The following STXBP5L variants were observed in gnomAD, a reference collection of about 807,000 sequenced individuals.
STXBP5L encodes the protein syntaxin binding protein 5L, also known as syntaxin-binding protein 5-like.
A neutral mutation model predicts 144.5 loss-of-function variants in STXBP5L; 65 were observed. The observed-to-expected ratio is 0.45, with a 90% confidence interval of 0.37 to 0.55. STXBP5L has a LOEUF of 0.55. Ranked by LOEUF, STXBP5L falls within the 20% of genes least tolerant of loss-of-function variation. The pLI is 0.00. For synonymous variants in STXBP5L, 505 were observed against 469.6 expected (o/e 1.08, Z -0.97); for missense variants, 1,298 against 1,405.5 (o/e 0.92, Z 1.22).
intron 3 of STXBP5L, among the ~76,000 whole-genome samples, chr3:121,011,839 T>C (rs976398493): frequency 2.6e-5 from 4 of 151,816 alleles, no homozygotes; most frequent in Non-Finnish European, 5.9e-5. Context: ...AATTTAATCA[T>C]TTAAAGTAAA....
intron 12 of STXBP5L, among the ~76,000 whole-genome samples, chr3:121,237,644 C>G (rs1046355854): frequency 6.6e-6 from 1 of 152,158 alleles, no homozygotes; most frequent in Non-Finnish European, 1.5e-5. Flanking sequence ...TGTTAATGCT[C>G]GTGTCCCTTT....
At position 121,381,468 on chromosome 3, in the gene STXBP5L, C is replaced by T; in HGVS notation, c.2523C>T (p.Ile841=). 1 of 1,594,570 alleles carries T rather than the reference C, an allele frequency of 6.3e-7. No homozygotes were observed. The highest frequency in any genetic ancestry group is 1.1e-5 in the South Asian group (1 of 86,958). The part of the protein sequence containing the change: ...VGTSLGMVLI[I]SLNLPLADEQ... Reference sequence around the variant, plus strand: ...CCAGTCTGGGAATGGTGTTAATCATCTCCTTAAACCTACCATTAGCAGATG... The same window carrying T: ...CCAGTCTGGGAATGGTGTTAATCATTTCCTTAAACCTACCATTAGCAGATG... Residue 841 remains isoleucine, a synonymous_variant, in exon 22 of 27, where the codon ATC becomes ATT. Coordinates refer to ENST00000471454, the MANE Select transcript of STXBP5L (RefSeq NM_001308330.2).
At chr3:121,336,658 G>T (rs2044517548) in intron 20 of STXBP5L, among the ~76,000 whole-genome samples, 1 of 152,132 alleles carries the variant, frequency 6.6e-6, no homozygotes, top group African/African-American at 2.4e-5. Flanking sequence ...CACTGTTGGT[G>T]GGAGTGTAAA....
intron 5 of STXBP5L, among the ~76,000 whole-genome samples, chr3:121,060,374 C>T (rs1288855968): frequency 1.3e-5 from 2 of 152,090 alleles, no homozygotes; most frequent in East Asian, 3.8e-4. Flanking sequence ...CTTGGTTTGT[C>T]AGTATTTTAT....
At chr3:120,942,816 T>A (rs1452284938) in intron 2 of STXBP5L, among the ~76,000 whole-genome samples, 1 of 151,610 alleles carries the variant, frequency 6.6e-6, no homozygotes, top group African/African-American at 2.4e-5. Context: ...ATATATGTTT[T>A]ATTCCTGATT....
intron 5 of STXBP5L, among the ~76,000 whole-genome samples, chr3:121,093,523 T>G (rs1257080023): frequency 6.6e-6 from 1 of 152,224 alleles, no homozygotes; most frequent in Non-Finnish European, 1.5e-5. Context: ...GTCGAGGAAT[T>G]TATCCATTTC....
At chr3:120,965,824 T>G (rs1939500510) in intron 3 of STXBP5L, among the ~76,000 whole-genome samples, 1 of 152,188 alleles carries the variant, frequency 6.6e-6, no homozygotes, top group Admixed American at 6.5e-5. Flanking sequence ...TGTTGGCTTG[T>G]CTTGCTAGGT....
At chr3:121,152,145 A>G (rs1340803092) in intron 7 of STXBP5L, among the ~76,000 whole-genome samples, 1 of 152,004 alleles carries the variant, frequency 6.6e-6, no homozygotes, top group African/African-American at 2.4e-5. Context: ...ATAGTTCATT[A>G]ATCTTATCCC....
At chr3:121,091,406 G>C (rs796621287) in intron 5 of STXBP5L, among the ~76,000 whole-genome samples, 10 of 151,416 alleles carry the variant, frequency 6.6e-5, no homozygotes, top group African/African-American at 2.4e-4. Flanking sequence ...CAGTGTAAAA[G>C]TGTTCCTATT....
chr3:120,939,582 G>C (rs761592654), intron 2 of STXBP5L, among the ~76,000 whole-genome samples: 4 of 152,176 alleles, frequency 2.6e-5, no homozygotes, highest in African/African-American at 4.8e-5. Context: ...TCAGTGGACT[G>C]TTTGAAATGC....
intron 3 of STXBP5L, among the ~76,000 whole-genome samples, chr3:121,025,781 C>G (rs576618501): frequency 6.6e-6 from 1 of 150,872 alleles, no homozygotes; most frequent in Non-Finnish European, 1.5e-5. Flanking sequence ...AAACATCCTA[C>G]TAAAACCAGC....
At chr3:121,262,454 A>G (rs765665026) in intron 18 of STXBP5L, among the ~76,000 whole-genome samples, 9 of 152,110 alleles carry the variant, frequency 5.9e-5, no homozygotes, top group African/African-American at 9.7e-5. Context: ...ACATGGTGAA[A>G]CCCCATCTCT....
At chr3:121,394,793 GACAGGGTTTC>G (rs1462540658) in intron 22 of STXBP5L, among the ~76,000 whole-genome samples, 1 of 151,802 alleles carries the variant, frequency 6.6e-6, no homozygotes, top group African/African-American at 2.4e-5. Context: ...TTTTAGTAGA[GACAGGGTTTC>G]ACATGTTAGC....
intron 3 of STXBP5L, among the ~76,000 whole-genome samples, chr3:121,037,157 T>G (rs963174174): frequency 1.3e-5 from 2 of 151,910 alleles, no homozygotes; most frequent in Admixed American, 6.6e-5. Flanking sequence ...TGTCTTGAAC[T>G]CCTGGCTTCA....
intron 5 of STXBP5L, among the ~76,000 whole-genome samples, chr3:121,109,619 A>G (rs1353276276): frequency 6.6e-6 from 1 of 152,154 alleles, no homozygotes; most frequent in African/African-American, 2.4e-5. Flanking sequence ...GTATTTGCTG[A>G]GGAACGTTTT....
At chr3:121,261,776 T>C (rs1228952828) in intron 18 of STXBP5L, among the ~76,000 whole-genome samples, 1 of 152,232 alleles carries the variant, frequency 6.6e-6, no homozygotes, top group Admixed American at 6.5e-5. Flanking sequence ...CTTAATCTGA[T>C]ACATTTTAGC....
chr3:121,418,644 C>A, intron 26 of STXBP5L, 87 bp downstream of exon 26: 2 of 1,223,526 alleles, frequency 1.6e-6, no homozygotes, highest in Non-Finnish European at 2.3e-6. Flanking sequence ...AAACAGAGAT[C>A]CACATAAGTA....
chr3:121,011,763 CT>C (rs201669059), intron 3 of STXBP5L, among the ~76,000 whole-genome samples: 20 of 150,540 alleles, frequency 1.3e-4, no homozygotes, highest in East Asian at 3.9e-4. Flanking sequence ...TTTGTTATAT[CT>C]TTTTTTTTGT....
intron 19 of STXBP5L, among the ~76,000 whole-genome samples, chr3:121,317,989 T>A (rs2043840555): frequency 1.3e-5 from 2 of 152,140 alleles, no homozygotes; most frequent in East Asian, 3.8e-4. Context: ...CCCCTTCTAA[T>A]TCTTCTTATT....
Sources: allele counts gnomAD v4.1 joint callset (sites outside exome capture counted in the v4.1 genomes callset), GRCh38; gene constraint gnomAD v4.1.1; transcripts MANE v1.5; gene names NCBI Gene and HGNC (gene_info 2026-07-23, HGNC 2026-07-21).